The following TMEM178A variants were observed in gnomAD, a reference collection of about 807,000 sequenced individuals.
The protein encoded by TMEM178A is transmembrane protein 178.
In TMEM178A, 12 loss-of-function variants were observed where a neutral mutation model predicts 29.1. The observed-to-expected ratio is 0.41, with a 90% CI of 0.26 to 0.67. The LOEUF (loss-of-function observed/expected upper bound fraction) is 0.67. Ranked by LOEUF, TMEM178A falls within the 30% of genes least tolerant of loss-of-function variation. The pLI is 0.29. For missense variants in TMEM178A, 366 were observed against 419.1 expected (o/e 0.87, Z 1.11); for synonymous variants, 210 against 187.2 (o/e 1.12, Z -0.99).
chr2:39,700,325 G>C (rs1324758978), intron 1 of TMEM178A, among the ~76,000 whole-genome samples: 1 of 152,030 alleles, frequency 6.6e-6, no homozygotes, highest in African/African-American at 2.4e-5. Flanking sequence ...AATTCTGTCA[G>C]TTTTTGGTAT....
At chr2:39,666,639 C>A (rs1417345497) in intron 1 of TMEM178A, among the ~76,000 whole-genome samples, 1 of 152,194 alleles carries the variant, frequency 6.6e-6, no homozygotes, top group East Asian at 1.9e-4. Flanking sequence ...GCCTCTGTCT[C>A]CTTCTTTCCT....
chr2:39,725,191 TGGG>T, the TMEM178A span, among the ~76,000 whole-genome samples: 1 of 151,900 alleles, frequency 6.6e-6, no homozygotes, highest in African/African-American at 2.4e-5. Context: ...CCATGCGGGG[TGGG>T]ACGGGTGAGT....
chr2:39,683,598 T>C (rs547481733), intron 1 of TMEM178A, among the ~76,000 whole-genome samples: 11 of 152,310 alleles, frequency 7.2e-5, no homozygotes, highest in Admixed American at 2.6e-4. Flanking sequence ...TGGGTATTTG[T>C]AGTTCCTGAG....
chr2:39,689,202 C>T (rs953373425), intron 1 of TMEM178A, among the ~76,000 whole-genome samples: 16 of 152,186 alleles, frequency 1.1e-4, no homozygotes, highest in African/African-American at 3.9e-4. Context: ...GGATAATTTG[C>T]TCTGGAACAC....
chr2:39,734,308 C>G, the TMEM178A span, among the ~76,000 whole-genome samples: 1 of 152,236 alleles, frequency 6.6e-6, no homozygotes, highest in Non-Finnish European at 1.5e-5. Flanking sequence ...TACTCCTCCT[C>G]TATACCCTTT....
At chr2:39,729,222 C>T in the TMEM178A span, among the ~76,000 whole-genome samples, 1 of 152,222 alleles carries the variant, frequency 6.6e-6, no homozygotes, top group East Asian at 1.9e-4. Flanking sequence ...GGGATCCACA[C>T]CATAGCTTGC....
At chr2:39,703,400 A>T (rs1296900236) in intron 1 of TMEM178A, among the ~76,000 whole-genome samples, 1 of 152,202 alleles carries the variant, frequency 6.6e-6, no homozygotes, top group Non-Finnish European at 1.5e-5. Flanking sequence ...AGTGTACTAG[A>T]TGAATCAATG....
intron 1 of TMEM178A, among the ~76,000 whole-genome samples, chr2:39,685,228 T>C (rs1671026486): frequency 6.6e-6 from 1 of 152,026 alleles, no homozygotes; most frequent in African/African-American, 2.4e-5. Context: ...GCCCCCTTAC[T>C]CTCCACAGCC....
downstream of TMEM178A, among the ~76,000 whole-genome samples, chr2:39,722,869 G>A (rs1672729586): frequency 6.6e-6 from 1 of 152,172 alleles, no homozygotes; most frequent in African/African-American, 2.4e-5. Flanking sequence ...GTGTGAGGAT[G>A]GATGAACTGT....
At chr2:39,708,584 A>G (rs1672153832) in intron 3 of TMEM178A, among the ~76,000 whole-genome samples, 1 of 150,104 alleles carries the variant, frequency 6.7e-6, no homozygotes, top group Non-Finnish European at 1.5e-5. Context: ...ATGCCCGGCT[A>G]ATTTTTGTAT....
chr2:39,668,785 T>C (rs190545359), intron 1 of TMEM178A, among the ~76,000 whole-genome samples: 225 of 152,332 alleles, frequency 1.5e-3, no homozygotes, highest in African/African-American at 5.4e-3. Context: ...CTTCTAGATC[T>C]CAGTTTCATC....
At chr2:39,712,242 A>G (rs1672343012) in intron 3 of TMEM178A, among the ~76,000 whole-genome samples, 1 of 152,134 alleles carries the variant, frequency 6.6e-6, no homozygotes, top group Non-Finnish European at 1.5e-5. Flanking sequence ...AAAAAAATCA[A>G]TGTTTATGCC....
At position 39,666,122 on chromosome 2, in the gene TMEM178A, G is replaced by A. The variant is rs771927547; in HGVS notation, c.148G>A (p.Ala50Thr). ...GAGCTGCGAGCGCAGCCGCGCGGGC[G>A]CCGACCCCCCGGACCAGAAGAACCG... The part of the protein sequence containing the change: ...KESCERSRAG[A>T]DPPDQKNRLM... Residue 50 changes from alanine to threonine, a missense_variant, in exon 1 of 4, where the codon GCC (alanine) becomes ACC (threonine). Transcript: ENST00000281961. The A allele has an allele frequency of 6.5e-7, 1 of 1,550,260 alleles. No homozygotes were observed. The highest frequency in any genetic ancestry group is 1.9e-5 in the Admixed American group (1 of 52,518).
chr2:39,706,988 C>G, intron 2 of TMEM178A, 61 bp from the exon 3 acceptor site: 1 of 1,549,194 alleles, frequency 6.5e-7, no homozygotes, highest in South Asian at 1.3e-5. Flanking sequence ...CCCTAATTCT[C>G]TAATTCTTAA....
intron 3 of TMEM178A, among the ~76,000 whole-genome samples, chr2:39,715,938 C>T (rs745441146): frequency 6.6e-6 from 1 of 152,166 alleles, no homozygotes; most frequent in Non-Finnish European, 1.5e-5. Flanking sequence ...TAATCTGCTA[C>T]TTTTAGCTCT....
chr2:39,703,887 A>G (rs758852481), intron 1 of TMEM178A, among the ~76,000 whole-genome samples, 194 bp from the exon 2 acceptor site: 1 of 152,246 alleles, frequency 6.6e-6, no homozygotes, highest in Non-Finnish European at 1.5e-5. Flanking sequence ...AGATCCTTAT[A>G]CAATTTAATA....
chr2:39,679,805 A>G (rs1670791644), intron 1 of TMEM178A, among the ~76,000 whole-genome samples: 1 of 152,164 alleles, frequency 6.6e-6, no homozygotes, highest in Admixed American at 6.5e-5. Context: ...CTTGATCAGA[A>G]AGCAGAATAG....
intron 3 of TMEM178A, among the ~76,000 whole-genome samples, chr2:39,712,232 A>G (rs976743371): frequency 2.0e-5 from 3 of 152,096 alleles, no homozygotes; most frequent in African/African-American, 4.8e-5. Flanking sequence ...GGAGCAGGGG[A>G]AAAAAATCAA....
intron 1 of TMEM178A, among the ~76,000 whole-genome samples, chr2:39,676,502 G>A (rs555610374): frequency 1.3e-5 from 2 of 152,268 alleles, no homozygotes; most frequent in South Asian, 2.1e-4. Flanking sequence ...CCCAGAAGGC[G>A]TCCTGCAGAC....
Sources: gnomAD v4.1 joint callset for allele counts (sites outside exome capture counted in the v4.1 genomes callset) on GRCh38, gnomAD v4.1.1 for gene constraint, MANE v1.5 for transcripts, NCBI Gene and HGNC (gene_info 2026-07-23, HGNC 2026-07-21) for gene names.